Variants in CWH43 observed in about 807,000 individuals in gnomAD.
The protein encoded by CWH43 is PGAP2-interacting protein.
CWH43 carries 91 observed loss-of-function variants against 85.7 expected under a neutral mutation model. The ratio of observed to expected loss-of-function variants is 1.06; its 90% CI spans 0.90 to 1.26. The LOEUF is 1.26. Among genes scored for constraint, CWH43 ranks in the 50% most tolerant of loss-of-function variants. CWH43 has a pLI of 0.00. For synonymous variants in CWH43, 323 were observed against 293.6 expected, an observed-to-expected ratio of 1.10 and a Z score of -1.02; for missense variants, 869 against 839.2, an observed-to-expected ratio of 1.04 and a Z score of -0.44.
intron 15 of CWH43, among the ~76,000 whole-genome samples, chr4:49,052,433 G>A (rs1490300232): frequency 1.3e-5 from 2 of 152,216 alleles, no homozygotes; most frequent in African/African-American, 2.4e-5. Context: ...ATAGTGCATA[G>A]TGAGTGCTTA....
chr4:49,009,177 A>AAG (rs1783267614), intron 8 of CWH43, among the ~76,000 whole-genome samples: 1 of 152,018 alleles, frequency 6.6e-6, no homozygotes, highest in Non-Finnish European at 1.5e-5. Flanking sequence ...GTTCTCCTTG[A>AAG]AGAGGTCCTT....
chr4:49,021,227 T>C (rs1783742500), intron 9 of CWH43, among the ~76,000 whole-genome samples: 1 of 152,256 alleles, frequency 6.6e-6, no homozygotes, highest in South Asian at 2.1e-4. Context: ...AGTTGATTTT[T>C]GTATAAGGTG....
intron 8 of CWH43, among the ~76,000 whole-genome samples, chr4:49,010,328 T>G (rs1783313556): frequency 6.6e-6 from 1 of 152,190 alleles, no homozygotes; most frequent in Non-Finnish European, 1.5e-5. Context: ...TGATATCCCT[T>G]TATCATTTTT....
chr4:48,990,623 A>G (rs1252290448), intron 2 of CWH43, among the ~76,000 whole-genome samples: 5 of 152,214 alleles, frequency 3.3e-5, no homozygotes, highest in Non-Finnish European at 5.9e-5. Context: ...CTATAATCAA[A>G]AAAGACAGAC....
In CWH43 at chr4:48,994,363, C is replaced by T. The variant is rs1406976937; in HGVS notation, c.512-256C>T. ...TTCACATGAAGCAAATAATTTTCTG[C>T]ATTTTCACCTGTTGAATTCCAAAAT... On this transcript the variant is annotated intron_variant, in intron 4 of 15. Coordinates refer to ENST00000226432, the MANE Select transcript of CWH43 (RefSeq NM_025087.3). Among the ~76,000 whole-genome samples the T allele has an allele frequency of 2.6e-5, 4 of 152,214 alleles. No individual in the cohort carries two copies. The South Asian group carries it at 6.2e-4, about 24-fold the overall frequency.
At chr4:48,991,410 C>A in intron 2 of CWH43, 44 bp from the exon 3 acceptor site, 1 of 1,610,298 alleles carries the variant, frequency 6.2e-7, no homozygotes, top group Non-Finnish European at 8.5e-7. Flanking sequence ...GAGTTCCAAT[C>A]CATACTTGCC....
chr4:49,045,066 G>A (rs1448275703), intron 14 of CWH43, among the ~76,000 whole-genome samples: 1 of 152,160 alleles, frequency 6.6e-6, no homozygotes, highest in African/African-American at 2.4e-5. Context: ...AGCAAATTAA[G>A]TTTAATTATA....
intron 12 of CWH43, among the ~76,000 whole-genome samples, chr4:49,032,933 C>G (rs369139084): frequency 6.6e-6 from 1 of 152,128 alleles, no homozygotes; most frequent in Non-Finnish European, 1.5e-5. Flanking sequence ...TCTGCATTTA[C>G]TGAGCTGTAC....
In CWH43 at chr4:48,986,452, T is replaced by C. The variant is rs756338452; in HGVS notation, c.23T>C (p.Ile8Thr). The C allele has an allele frequency of 2.2e-5, 34 of 1,550,570 alleles. No homozygotes were observed. The South Asian group carries it at 4.0e-4, about 18-fold the overall frequency. Residue 8 changes from isoleucine to threonine, a missense_variant, in exon 1 of 16, where the codon ATC becomes ACC. Around this residue, in one of 3 missense-constraint regions of CWH43, gnomAD observed 140 missense variants for 122.6 expected, o/e 1.14. Transcript: ENST00000226432. ...GCGATGCCCTCGCTGTGGAGAGAAA[T>C]CCTCTTGGAGTCGCTGCTGGGTAAG... MPSLWRE[I>T]LLESLLGCVS...
At chr4:49,006,605 A>G (rs1783164819) in intron 7 of CWH43, among the ~76,000 whole-genome samples, 1 of 152,042 alleles carries the variant, frequency 6.6e-6, no homozygotes, top group Non-Finnish European at 1.5e-5. Context: ...TTCCATTCTT[A>G]GTATGTATGG....
intron 9 of CWH43, among the ~76,000 whole-genome samples, chr4:49,027,421 G>A (rs562686986): frequency 1.3e-5 from 2 of 152,262 alleles, no homozygotes; most frequent in South Asian, 4.1e-4. Context: ...AATTACAGAT[G>A]AATAGTTGTA....
rs776809983 is a variant in CWH43 at position 49,030,910 on chromosome 4, G to C, written c.1458G>C (p.Lys486Asn). The C allele has an allele frequency of 3.1e-6, 5 of 1,611,348 alleles. No homozygotes were observed. Among genetic ancestry groups the C allele is most frequent in the Non-Finnish European group, 4.2e-6 (5 of 1,178,928 alleles). The stretch of plus-strand genomic sequence containing the variant: ...ACTTAACCATGTGGCTAGGGGAAAA[G>C]TTGGGTTTCTATACAGACTTTGGTC... ...NNDLTMWLGE[K>N]LGFYTDFGPS... The change falls in exon 11 of 16, where the codon AAG becomes AAC. Residue 486 changes from lysine (K) to asparagine (N), a missense_variant. Coordinates refer to ENST00000226432, the MANE Select transcript of CWH43 (RefSeq NM_025087.3).
chr4:48,987,012 C>T (rs935915754), intron 1 of CWH43, among the ~76,000 whole-genome samples: 2 of 152,210 alleles, frequency 1.3e-5, no homozygotes, highest in African/African-American at 4.8e-5. Flanking sequence ...CTCATCTGCT[C>T]TCTCACCAGC....
At chr4:49,038,470 C>T (rs1158606726) in intron 13 of CWH43, among the ~76,000 whole-genome samples, 3 of 152,116 alleles carry the variant, frequency 2.0e-5, no homozygotes, top group African/African-American at 2.4e-5. Flanking sequence ...ATTTATAGGT[C>T]GCAAGTTGTG....
At position 48,991,835 on chromosome 4, in the gene CWH43, A is replaced by T. The variant is rs1782669751; in HGVS notation, c.357-101A>T. On this transcript the variant is annotated intron_variant, in intron 3 of 15. Coordinates refer to ENST00000226432, the MANE Select transcript of CWH43 (RefSeq NM_025087.3). Reference sequence around the variant, plus strand: ...ACATTCATTATTGCAAATTACCAATAAGACTATTTCAGCTACTTATTCTAT... The same window carrying T: ...ACATTCATTATTGCAAATTACCAATTAGACTATTTCAGCTACTTATTCTAT... The T allele has an allele frequency of 4.7e-6, 5 of 1,061,008 alleles. No homozygotes were observed. The Admixed American group carries it at 6.9e-5, about 15-fold the overall frequency. The allele number at this position is 1,061,008 out of a possible 1,614,324, so 65.7% of individuals were successfully genotyped here. A position where few individuals can be genotyped will look rare whatever the true frequency, so the allele number is the denominator to read the frequency against.
chr4:49,010,024 T>C (rs1226640667), intron 8 of CWH43, among the ~76,000 whole-genome samples: 4 of 152,196 alleles, frequency 2.6e-5, no homozygotes, highest in Non-Finnish European at 4.4e-5. Flanking sequence ...TCTTTTTCTA[T>C]TGATTGGAAT....
intron 12 of CWH43, among the ~76,000 whole-genome samples, chr4:49,033,453 T>C (rs1323903463): frequency 6.6e-6 from 1 of 152,038 alleles, no homozygotes; most frequent in African/African-American, 2.4e-5. Flanking sequence ...GCTCTCTCCT[T>C]GATGGAAAGA....
chr4:49,039,214 C>A (rs1191183994), intron 13 of CWH43, among the ~76,000 whole-genome samples: 3 of 138,510 alleles, frequency 2.2e-5, no homozygotes, highest in Non-Finnish European at 3.1e-5. Context: ...ATTACTCTAC[C>A]TTTTCAGGTC....
chr4:49,050,659 A>G, intron 14 of CWH43, 35 bp from the exon 15 acceptor site: 1 of 1,571,236 alleles, frequency 6.4e-7, no homozygotes, highest in Non-Finnish European at 8.7e-7. Flanking sequence ...ATACAATAAT[A>G]AAACTGTTAC....
Sources: gnomAD v4.1 joint callset for allele counts (sites outside exome capture counted in the v4.1 genomes callset) on GRCh38, gnomAD v4.1.1 for gene constraint, gnomAD v4.1.1 regional missense constraint, MANE v1.5 for transcripts, NCBI Gene and HGNC (gene_info 2026-07-23, HGNC 2026-07-21) for gene names.